The following DEPDC5 variants were observed in gnomAD, a reference collection of about 807,000 sequenced individuals.
The protein encoded by DEPDC5 is DEP domain containing 5, GATOR1 subcomplex subunit, also known as GATOR1 complex protein DEPDC5.
Under a neutral mutation model 217.3 loss-of-function variants are expected in DEPDC5, and 73 were observed. The observed-to-expected ratio is 0.34, with a 90% CI of 0.28 to 0.41. The LOEUF (loss-of-function observed/expected upper bound fraction) is 0.41. Ranked by LOEUF, DEPDC5 falls within the 10% of genes least tolerant of loss-of-function variation. DEPDC5 has a pLI of 1.00. For synonymous variants in DEPDC5, 733 were observed against 756.7 expected (o/e 0.97, Z 0.51); for missense variants, 1,675 against 2,070.1 (o/e 0.81, Z 3.70).
intron 26 of DEPDC5, 156 bp downstream of exon 26, chr22:31,837,311 AT>A: frequency 1.4e-6 from 1 of 738,312 alleles, no homozygotes; most frequent in Non-Finnish European, 2.1e-6. Context: ...TAAATAAAAA[AT>A]TTTAAAAAAA....
intron 38 of DEPDC5, among the ~76,000 whole-genome samples, chr22:31,888,240 G>GTTTTT (rs71184531): frequency 7.5e-5 from 5 of 66,352 alleles, no homozygotes; most frequent in South Asian, 7.4e-4. Flanking sequence ...TTTGTCTGTG[G>GTTTTT]TTTTTTTTTT....
intron 31 of DEPDC5, among the ~76,000 whole-genome samples, chr22:31,849,245 G>A (rs891660850): frequency 1.3e-5 from 2 of 152,088 alleles, no homozygotes; most frequent in Non-Finnish European, 2.9e-5. Context: ...TATCTTTACA[G>A]CAGTGCCTCA....
Position 31,819,011 on chromosome 22 carries a change from A to T in DEPDC5, c.1667-11A>T, listed in dbSNP as rs200092857. On this transcript the variant is annotated splice_polypyrimidine_tract_variant and intron_variant, in intron 21 of 42. Coordinates refer to ENST00000651528, the MANE Select transcript of DEPDC5 (RefSeq NM_001242896.3). Reference sequence around the variant, plus strand: ...TTTTTCTTTGTGACTCAACTCCATGATAACTGGCAGATGTCCTGGAGAACA... The same window carrying T: ...TTTTTCTTTGTGACTCAACTCCATGTTAACTGGCAGATGTCCTGGAGAACA... 9.9e-6 allele frequency: 16 copies of T among 1,614,092 alleles called. No homozygotes were observed. In the East Asian group the frequency reaches 3.6e-4, roughly 36 times the overall value.
chr22:31,778,101 C>T lies in DEPDC5; in HGVS notation c.416C>T (p.Ala139Val). The T allele has an allele frequency of 6.2e-7, 1 of 1,614,100 alleles. No individual in the cohort carries two copies. The highest frequency in any genetic ancestry group is 8.5e-7 in the Non-Finnish European group (1 of 1,179,974). Reference sequence around the variant, plus strand: ...AACTTGTGTGTGTATTCTTTCAGAGCACAGGCTGGTGAACTGTGGGTTAAG... The same window carrying T: ...AACTTGTGTGTGTATTCTTTCAGAGTACAGGCTGGTGAACTGTGGGTTAAG... The part of the protein sequence containing the change: ...TQKVEFAGIR[A>V]QAGELWVKNE... Residue 139 changes from alanine (A) to valine (V), a missense_variant and splice_region_variant, in exon 8 of 43, where the codon GCA becomes GTA. Around this residue, in one of 11 missense-constraint regions of DEPDC5, gnomAD observed 628 missense variants for 762.1 expected, o/e 0.82. Coordinates refer to ENST00000651528, the MANE Select transcript of DEPDC5 (RefSeq NM_001242896.3).
rs780580961 is a variant in DEPDC5 at position 31,861,478 on chromosome 22, C to T, written c.3330+45C>T. ...TTCGCATGCCTGTCCCACTGGCAGA[C>T]GCCATGAGCTGGCCTTCTGTTAGGC... On this transcript the variant is annotated intron_variant, in intron 33 of 42. Coordinates refer to ENST00000651528, the MANE Select transcript of DEPDC5 (RefSeq NM_001242896.3). 44 of 1,545,338 alleles carry T rather than the reference C, an allele frequency of 2.8e-5. No individual in the cohort carries two copies. The East Asian group carries it at 3.7e-4, about 13-fold the overall frequency.
At chr22:31,846,415 A>T (rs914179152) in intron 30 of DEPDC5, among the ~76,000 whole-genome samples, 1 of 152,156 alleles carries the variant, frequency 6.6e-6, no homozygotes, top group Non-Finnish European at 1.5e-5. Context: ...TATGTACACA[A>T]CATCACTTAC....
chr22:31,779,640 T>C (rs544858679), intron 8 of DEPDC5, among the ~76,000 whole-genome samples: 1 of 152,174 alleles, frequency 6.6e-6, no homozygotes, highest in African/African-American at 2.4e-5. Flanking sequence ...TTTTAAGAGA[T>C]CACTACTCAT....
At chr22:31,874,182 A>C in intron 35 of DEPDC5, 91 bp from the exon 36 acceptor site, 1 of 1,514,850 alleles carries the variant, frequency 6.6e-7, no homozygotes, top group Non-Finnish European at 8.9e-7. Context: ...TAAATGCTCT[A>C]GTGGGAGTCC....
At chr22:31,795,065 A>ATTTTTTTT (rs983604458) in intron 12 of DEPDC5, among the ~76,000 whole-genome samples, 2 of 107,370 alleles carry the variant, frequency 1.9e-5, no homozygotes, top group Non-Finnish European at 1.8e-5. Flanking sequence ...ATTCCATGTG[A>ATTTTTTTT]TTTTTTTTTT....
At chr22:31,851,830 G>A (rs187476766) in intron 31 of DEPDC5, among the ~76,000 whole-genome samples, 9 of 152,318 alleles carry the variant, frequency 5.9e-5, no homozygotes, top group African/African-American at 2.2e-4. Flanking sequence ...AAGACAGTGT[G>A]GGAATTTGGA....
intron 7 of DEPDC5, among the ~76,000 whole-genome samples, chr22:31,770,600 G>A (rs539916185): frequency 1.4e-5 from 2 of 147,394 alleles, no homozygotes; most frequent in African/African-American, 2.5e-5. Context: ...CACCATGTTG[G>A]TCAGGCTGGT....
intron 6 of DEPDC5, 26 bp from the exon 7 acceptor site, chr22:31,768,788 C>G (rs374099895): frequency 2.7e-5 from 43 of 1,598,590 alleles, no homozygotes; most frequent in Non-Finnish European, 3.3e-5. Context: ...CTCCCTCTCT[C>G]TACCCCTCTC....
At chr22:31,816,034 T>A in intron 21 of DEPDC5, 1 of 985,552 alleles carries the variant, frequency 1.0e-6, no homozygotes, top group Non-Finnish European at 1.2e-6. Flanking sequence ...GCGCAGTGGC[T>A]CACACCTGTA....
intron 26 of DEPDC5, among the ~76,000 whole-genome samples, chr22:31,838,281 T>C (rs1015042129): frequency 2.6e-5 from 4 of 152,124 alleles, no homozygotes; most frequent in African/African-American, 9.7e-5. Context: ...TTTTTTCATA[T>C]TTTCTATTAT....
At position 31,828,226 on chromosome 22, in the gene DEPDC5, G is replaced by A. The variant is rs573697879; in HGVS notation, c.2104+5436G>A. Among the ~76,000 whole-genome samples the A allele has an allele frequency of 3.5e-4, 54 of 152,240 alleles. No homozygotes were observed. The South Asian group carries it at 8.5e-3, about 24-fold the overall frequency. On this transcript the variant is annotated intron_variant, in intron 24 of 42. Coordinates refer to ENST00000651528, the MANE Select transcript of DEPDC5 (RefSeq NM_001242896.3). ...AGCACTTTGGGAGGCCAAGGCGGGC[G>A]GATCACCTGAGGTCGGGAGTTCGAG... is the stretch of plus-strand genomic sequence containing the variant.
intron 38 of DEPDC5, among the ~76,000 whole-genome samples, chr22:31,886,123 G>T (rs946712624): frequency 6.6e-6 from 1 of 151,954 alleles, no homozygotes; most frequent in African/African-American, 2.4e-5. Flanking sequence ...CTGGGCTCAA[G>T]CAGTCTTTCC....
At chr22:31,855,390 T>C (rs2092242455) in intron 31 of DEPDC5, among the ~76,000 whole-genome samples, 1 of 151,626 alleles carries the variant, frequency 6.6e-6, no homozygotes, top group African/African-American at 2.4e-5. Context: ...CTTTTTTTTT[T>C]TTTTGCGACG....
At chr22:31,854,556 A>G (rs574708517) in intron 31 of DEPDC5, among the ~76,000 whole-genome samples, 5 of 152,346 alleles carry the variant, frequency 3.3e-5, no homozygotes, top group Non-Finnish European at 7.3e-5. Context: ...TACAGAAGGA[A>G]TGATGGACTG....
At chr22:31,808,362 G>C (rs1478669955) in intron 18 of DEPDC5, among the ~76,000 whole-genome samples, 1 of 151,818 alleles carries the variant, frequency 6.6e-6, no homozygotes, top group East Asian at 1.9e-4. Context: ...CAGGGTTCAA[G>C]TGATTCTCCT....
Sources: allele counts gnomAD v4.1 joint callset (sites outside exome capture counted in the v4.1 genomes callset), GRCh38; gene constraint gnomAD v4.1.1; regional missense constraint gnomAD v4.1.1; transcripts MANE v1.5; gene names NCBI Gene and HGNC (gene_info 2026-07-23, HGNC 2026-07-21).